CHAF1B: variants seen among roughly 807,000 people sequenced by gnomAD.
CHAF1B encodes chromatin assembly factor 1 subunit B.
CHAF1B carries 10 observed loss-of-function variants against 60.7 expected under a neutral mutation model. The observed-to-expected ratio is 0.16, with a 90% CI of 0.10 to 0.28. The LOEUF (loss-of-function observed/expected upper bound fraction) is 0.28. Among genes scored for constraint, CHAF1B ranks in the 10% least tolerant of loss-of-function variants. The pLI, the probability that CHAF1B is intolerant of heterozygous loss-of-function variation, is 1.00. For synonymous variants in CHAF1B, 261 were observed against 266.1 expected (o/e 0.98, Z 0.19); for missense variants, 558 against 708.4 (o/e 0.79, Z 2.41).
intron 5 of CHAF1B, among the ~76,000 whole-genome samples, chr21:36,395,016 C>CCACT (rs1294446545): frequency 4.6e-5 from 7 of 151,936 alleles, no homozygotes; most frequent in African/African-American, 1.5e-4. Flanking sequence ...CAGGCATGAA[C>CCACT]CACTGCCCCT....
intron 3 of CHAF1B, among the ~76,000 whole-genome samples, chr21:36,388,701 A>G (rs1229118172): frequency 1.3e-5 from 2 of 152,104 alleles, no homozygotes; most frequent in African/African-American, 4.8e-5. Context: ...TCCTGAGCTC[A>G]GGCAATCTGC....
At chr21:36,403,380 C>T (rs1427853744) in intron 8 of CHAF1B, among the ~76,000 whole-genome samples, 2 of 148,632 alleles carry the variant, frequency 1.3e-5, no homozygotes, top group African/African-American at 5.0e-5. Flanking sequence ...TCGCTTGAAC[C>T]CAGGAGGCAG....
At chr21:36,399,751 AG>A in intron 7 of CHAF1B, 146 bp downstream of exon 7, 1 of 670,838 alleles carries the variant, frequency 1.5e-6, no homozygotes, top group Non-Finnish European at 2.6e-6. Context: ...TGGACAGTCA[AG>A]GCTCAGTTAC....
chr21:36,387,623 A>G lies in CHAF1B; in HGVS notation c.152A>G (p.Asp51Gly). 1 of 1,614,182 alleles carries G rather than the reference A, an allele frequency of 6.2e-7. No homozygotes were observed. Among genetic ancestry groups the G allele is most frequent in the Non-Finnish European group, 8.5e-7 (1 of 1,180,040 alleles). Reference protein sequence around the residue: ...VRIWKVEKGPDGKAIVEFLSN... With the variant: ...VRIWKVEKGPGGKAIVEFLSN... ...ATCTGGAAGGTAGAAAAGGGACCAG[A>G]TGGAAAAGCCATCGTGGAATTTTTG... Residue 51 changes from aspartate (D) to glycine (G), a missense_variant, in exon 3 of 14, where the codon GAT becomes GGT. Physicochemically the swap from Asp to Gly is moderately conservative, Grantham distance 94 (BLOSUM62 -1). This residue lies in a region of CHAF1B where 325 missense variants were observed against 493.5 expected (regional missense o/e 0.66). Coordinates refer to ENST00000314103, the MANE Select transcript of CHAF1B (RefSeq NM_005441.3).
intron 5 of CHAF1B, 79 bp downstream of exon 5, chr21:36,394,729 A>AAT: frequency 8.7e-6 from 8 of 922,626 alleles, no homozygotes; most frequent in Non-Finnish European, 1.3e-5. Context: ...ACTTGCTTTA[A>AAT]CTTTTTTTTT....
chr21:36,395,753 CA>C (rs2086132608), intron 5 of CHAF1B, among the ~76,000 whole-genome samples: 1 of 151,764 alleles, frequency 6.6e-6, no homozygotes, highest in African/African-American at 2.4e-5. Context: ...TGTGAAATGC[CA>C]AAAGCAAGTA....
At position 36,400,262 on chromosome 21, in the gene CHAF1B, C is replaced by G. The variant is rs144617206; in HGVS notation, c.663+657C>G. ...TGGGAGGCTGAGGCAGGTGGATCAC[C>G]TGAGGTCAGGAGTTTGGGACTGGCC... On this transcript the variant is annotated intron_variant, in intron 7 of 13. Coordinates refer to ENST00000314103, the MANE Select transcript of CHAF1B (RefSeq NM_005441.3). 9.1e-3 allele frequency among the ~76,000 whole-genome samples: 1,379 copies of G among 151,540 alleles called. 21 individuals are homozygous for G. Among genetic ancestry groups the G allele is most frequent in the African/African-American group, 0.03 (1,240 of 41,274 alleles).
At chr21:36,415,913 C>T (rs902627806) in intron 13 of CHAF1B, 12 of 320,766 alleles carry the variant, frequency 3.7e-5, no homozygotes, top group Admixed American at 3.6e-4. Flanking sequence ...CCATCACACC[C>T]GGGTAATTTT....
intron 11 of CHAF1B, 71 bp from the exon 12 acceptor site, chr21:36,412,812 GA>G (rs1448651924): frequency 6.8e-7 from 1 of 1,463,458 alleles, no homozygotes; most frequent in Non-Finnish European, 9.2e-7. Context: ...GATTTTGCTC[GA>G]ACTTCCCTCT....
chr21:36,404,810 C>A (rs1480902921), intron 8 of CHAF1B, among the ~76,000 whole-genome samples: 1 of 134,390 alleles, frequency 7.4e-6, no homozygotes, highest in African/African-American at 2.8e-5. Context: ...GTGGCACCAT[C>A]TTGGCTCACT....
Position 36,417,171 on chromosome 21 carries a change from G to C in CHAF1B, c.*805G>C, listed in dbSNP as rs182071159. 1.4e-5 allele frequency: 2 copies of C among 147,182 alleles called. No individual in the cohort carries two copies. The highest frequency in any genetic ancestry group is 4.3e-4 in the South Asian group (2 of 4,602). 9.1% of individuals were successfully genotyped at this position (147,182 alleles called of 1,614,324 possible). A position where few individuals can be genotyped will look rare whatever the true frequency, so the allele number is the denominator to read the frequency against. On this transcript the variant is annotated 3_prime_UTR_variant, in exon 14 of 14. Coordinates refer to ENST00000314103, the MANE Select transcript of CHAF1B (RefSeq NM_005441.3). ...ACTGCAGCCTCGACCTCCTGGGCTC[G>C]AGCGATCCTTCCACCTCAGCTTCCC... is the stretch of plus-strand genomic sequence containing the variant.
At chr21:36,395,008 G>T (rs2086125613) in intron 5 of CHAF1B, among the ~76,000 whole-genome samples, 1 of 152,026 alleles carries the variant, frequency 6.6e-6, no homozygotes, top group Non-Finnish European at 1.5e-5. Flanking sequence ...TGGGATTACA[G>T]GCATGAACCA....
In CHAF1B at chr21:36,416,692, T is replaced by C. The variant is rs2086322879; in HGVS notation, c.*326T>C. The stretch of plus-strand genomic sequence containing the variant: ...TCCTCGTGAAAGTGCACACACTTCA[T>C]GGAGGGACTCCTTTTCAATAAGAAT... On this transcript the variant is annotated 3_prime_UTR_variant, in exon 14 of 14. Transcript: ENST00000314103. 1 of 210,356 alleles carries C rather than the reference T, an allele frequency of 4.8e-6. No homozygotes were observed. The highest frequency in any genetic ancestry group is 1.0e-4 in the East Asian group (1 of 9,914). 13.0% of individuals were successfully genotyped at this position (210,356 alleles called of 1,614,324 possible).
At chr21:36,392,508 A>T (rs1230459180) in intron 4 of CHAF1B, among the ~76,000 whole-genome samples, 1 of 149,516 alleles carries the variant, frequency 6.7e-6, no homozygotes, top group East Asian at 2.0e-4. Flanking sequence ...GGCCGGGCAG[A>T]GGCGCCCCCC....
chr21:36,391,783 G>C (rs533844628), intron 4 of CHAF1B, 115 bp downstream of exon 4: 1 of 664,230 alleles, frequency 1.5e-6, no homozygotes, highest in African/African-American at 1.8e-5. Context: ...TTGTCGCCCA[G>C]GCTGGAGTGC....
intron 10 of CHAF1B, among the ~76,000 whole-genome samples, chr21:36,410,465 T>TA (rs568898753): frequency 6.6e-6 from 1 of 152,250 alleles, no homozygotes; most frequent in African/African-American, 2.4e-5. Context: ...TACTACTTAC[T>TA]TTTTTTGTTT....
chr21:36,415,506 T>A (rs1230598290), intron 13 of CHAF1B, 117 bp downstream of exon 13: 2 of 745,386 alleles, frequency 2.7e-6, no homozygotes, highest in African/African-American at 3.5e-5. Context: ...GGGATGCATC[T>A]TATTGGAACC....
rs1052363115 is a variant in CHAF1B at position 36,387,607 on chromosome 21, G to A, written c.136G>A (p.Val46Ile). Residue 46 changes from valine to isoleucine, a missense_variant, in exon 3 of 14, where the codon GTA (valine) becomes ATA (isoleucine). By Grantham distance (29) the Val-to-Ile change is conservative (BLOSUM62 3). Transcript: ENST00000314103. ...GVDTNVRIWK[V>I]EKGPDGKAIV... ...GTGTTGGTATTGACAGATCTGGAAG[G>A]TAGAAAAGGGACCAGATGGAAAAGC... 1.2e-6 allele frequency: 2 copies of A among 1,614,036 alleles called. No homozygotes were observed. Among genetic ancestry groups the A allele is most frequent in the East Asian group, 2.2e-5 (1 of 44,894 alleles).
chr21:36,394,709 TA>T, intron 5 of CHAF1B, 59 bp downstream of exon 5: 1 of 1,018,222 alleles, frequency 9.8e-7, no homozygotes, highest in Admixed American at 2.3e-5. Flanking sequence ...TATAAAAGCC[TA>T]AAAGTCTAAC....
Sources: gnomAD v4.1 joint callset for allele counts (sites outside exome capture counted in the v4.1 genomes callset) on GRCh38, gnomAD v4.1.1 for gene constraint, gnomAD v4.1.1 regional missense constraint, MANE v1.5 for transcripts, NCBI Gene and HGNC (gene_info 2026-07-23, HGNC 2026-07-21) for gene names.